DAB1: variants seen among roughly 807,000 people sequenced by gnomAD.
The protein encoded by DAB1 is DAB adaptor protein 1, also known as disabled homolog 1.
DAB1 carries 15 observed loss-of-function variants against 64.6 expected under a neutral mutation model. The observed-to-expected ratio is 0.23, with a 90% CI of 0.16 to 0.36. The LOEUF (loss-of-function observed/expected upper bound fraction) is 0.36, where lower values mean the gene tolerates loss of function less well. Ranked by LOEUF, DAB1 falls within the 10% of genes least tolerant of loss-of-function variation. The pLI is 1.00. For missense variants in DAB1, 596 were observed against 706.7 expected, an observed-to-expected ratio of 0.84 and a Z score of 1.78; for synonymous variants, 235 against 251.9, an observed-to-expected ratio of 0.93 and a Z score of 0.64.
At chr1:57,849,280 G>A (rs952241415) in intron 1 of DAB1, among the ~76,000 whole-genome samples, 1 of 152,190 alleles carries the variant, frequency 6.6e-6, no homozygotes, top group Non-Finnish European at 1.5e-5. Context: ...TGAAGAAGGT[G>A]CTGCCCTGTC....
chr1:58,075,012 C>T (rs1258267563), intron 5 of DAB1, among the ~76,000 whole-genome samples: 1 of 152,182 alleles, frequency 6.6e-6, no homozygotes, highest in East Asian at 1.9e-4. Context: ...CAGGCAAACA[C>T]TTCCACCAAC....
chr1:57,040,784 C>A (rs1433085793), intron 9 of DAB1, among the ~76,000 whole-genome samples: 1 of 152,146 alleles, frequency 6.6e-6, no homozygotes, highest in Non-Finnish European at 1.5e-5. Context: ...AAGGATTTTT[C>A]AAAAACTCCT....
intron 9 of DAB1, among the ~76,000 whole-genome samples, chr1:57,038,495 C>G (rs58164606): frequency 6.6e-6 from 1 of 151,992 alleles, no homozygotes; most frequent in Non-Finnish European, 1.5e-5. Flanking sequence ...GGACTCAATA[C>G]CTTGATCTAA....
chr1:58,169,813 C>A (rs1202074491), intron 4 of DAB1, among the ~76,000 whole-genome samples: 1 of 152,138 alleles, frequency 6.6e-6, no homozygotes, highest in East Asian at 1.9e-4. Flanking sequence ...ACCACAAAAA[C>A]CCCCAGGCTA....
chr1:57,834,710 C>T (rs1051797771), intron 1 of DAB1, among the ~76,000 whole-genome samples: 3 of 150,924 alleles, frequency 2.0e-5, no homozygotes, highest in Non-Finnish European at 2.9e-5. Flanking sequence ...ATATGTACAA[C>T]TAGATATGAC....
intron 6 of DAB1, among the ~76,000 whole-genome samples, chr1:57,752,811 T>C (rs1467812660): frequency 2.0e-5 from 3 of 152,188 alleles, no homozygotes; most frequent in African/African-American, 7.2e-5. Flanking sequence ...ACAGTTCTTG[T>C]AAGGGTTAAA....
At chr1:58,215,400 T>C (rs1307558052) in intron 4 of DAB1, among the ~76,000 whole-genome samples, 1 of 71,926 alleles carries the variant, frequency 1.4e-5, no homozygotes, top group Admixed American at 1.3e-4. Flanking sequence ...TCCATGATAG[T>C]GTTTTTTTTT....
intron 14 of DAB1, among the ~76,000 whole-genome samples, chr1:57,001,892 G>A (rs192397697): frequency 2.0e-4 from 30 of 152,252 alleles, no homozygotes; most frequent in African/African-American, 7.2e-4. Context: ...AACCTGTGCA[G>A]ATCTCTGTCT....
intron 2 of DAB1, among the ~76,000 whole-genome samples, chr1:57,243,350 A>T (rs1405981714): frequency 6.6e-6 from 1 of 152,190 alleles, no homozygotes; most frequent in Non-Finnish European, 1.5e-5. Context: ...TTAATGGTGC[A>T]TCTCTCCCAC....
intron 6 of DAB1, among the ~76,000 whole-genome samples, chr1:57,741,309 T>C (rs1450781704): frequency 3.3e-5 from 5 of 152,182 alleles, no homozygotes; most frequent in African/African-American, 1.2e-4. Flanking sequence ...GTATTGAATG[T>C]TTCTTATATG....
intron 7 of DAB1, among the ~76,000 whole-genome samples, chr1:57,564,408 C>T (rs1300783816): frequency 2.6e-5 from 4 of 152,152 alleles, no homozygotes; most frequent in Non-Finnish European, 2.9e-5. Context: ...CACAGCCCCT[C>T]GCCAGCAACA....
At chr1:57,367,069 A>AAAAT (rs1680082917) in intron 1 of DAB1, among the ~76,000 whole-genome samples, 4 of 81,666 alleles carry the variant, frequency 4.9e-5, no homozygotes, top group African/African-American at 5.3e-5. Context: ...AAAATAAAAT[A>AAAAT]AAATAAAATA....
chr1:57,500,248 G>A (rs950263055), intron 7 of DAB1, among the ~76,000 whole-genome samples: 27 of 152,178 alleles, frequency 1.8e-4, no homozygotes, highest in Admixed American at 3.9e-4. Context: ...AGACTAGATC[G>A]TTTTAAAATT....
intron 4 of DAB1, among the ~76,000 whole-genome samples, chr1:58,322,091 A>C (rs1032928237): frequency 2.6e-5 from 4 of 152,246 alleles, no homozygotes; most frequent in African/African-American, 4.8e-5. Context: ...AATTTAATTC[A>C]AGATGGATTA....
intron 4 of DAB1, among the ~76,000 whole-genome samples, chr1:57,121,792 G>C (rs575473444): frequency 6.6e-6 from 1 of 151,972 alleles, no homozygotes; most frequent in African/African-American, 2.4e-5. Context: ...GGAAGGTGGT[G>C]GGCAAGGGGA....
At chr1:58,492,818 G>A (rs1345210038) in intron 3 of DAB1, among the ~76,000 whole-genome samples, 2 of 152,152 alleles carry the variant, frequency 1.3e-5, no homozygotes, top group Non-Finnish European at 2.9e-5. Flanking sequence ...TGGATTCACA[G>A]CCGAATTCTA....
intron 7 of DAB1, among the ~76,000 whole-genome samples, chr1:57,458,928 T>C (rs988838611): frequency 5.9e-5 from 9 of 152,110 alleles, no homozygotes; most frequent in African/African-American, 1.9e-4. Context: ...ATGATTTTCT[T>C]TCTTTATAGT....
At chr1:57,727,726 C>CTCCTACCTTCCT (rs1553123019) in intron 6 of DAB1, among the ~76,000 whole-genome samples, 25 of 137,022 alleles carry the variant, frequency 1.8e-4, no homozygotes, top group African/African-American at 6.7e-4. Context: ...CCTTCCTTCT[C>CTCCTACCTTCCT]TCCTTCCTTC....
intron 4 of DAB1, among the ~76,000 whole-genome samples, chr1:58,295,782 A>G (rs1260417150): frequency 6.6e-6 from 1 of 152,058 alleles, no homozygotes; most frequent in African/African-American, 2.4e-5. Flanking sequence ...TACAAATGGG[A>G]ACATGGATAT....
Sources: gnomAD v4.1 joint callset for allele counts (sites outside exome capture counted in the v4.1 genomes callset) on GRCh38, gnomAD v4.1.1 for gene constraint, MANE v1.5 for transcripts, NCBI Gene and HGNC (gene_info 2026-07-23, HGNC 2026-07-21) for gene names.